The following PKP4 variants were observed in gnomAD, a reference collection of about 807,000 sequenced individuals.
The protein encoded by PKP4 is plakophilin 4.
Under a neutral mutation model 145.1 loss-of-function variants are expected in PKP4, and 90 were observed. That is an observed-to-expected ratio of 0.62 (90% CI 0.52 to 0.74). The LOEUF (loss-of-function observed/expected upper bound fraction) is 0.74, where lower values mean the gene tolerates loss of function less well. Ranked by LOEUF, PKP4 falls within the 30% of genes least tolerant of loss-of-function variation. The pLI is 0.00. For synonymous variants in PKP4, 563 were observed against 577.2 expected, an observed-to-expected ratio of 0.98 and a Z score of 0.35; for missense variants, 1,340 against 1,482.7, an observed-to-expected ratio of 0.90 and a Z score of 1.58.
intron 1 of PKP4, among the ~76,000 whole-genome samples, chr2:158,468,998 C>G (rs755339010): frequency 6.6e-6 from 1 of 151,900 alleles, no homozygotes; most frequent in Non-Finnish European, 1.5e-5. Flanking sequence ...AGACTGGTCT[C>G]GAACTCCTGG....
chr2:158,457,674 C>G (rs1021676564), intron 1 of PKP4: 4 of 152,550 alleles, frequency 2.6e-5, no homozygotes, highest in Non-Finnish European at 4.4e-5. Context: ...CACTCGGGGC[C>G]GGCTGTCTGT....
At chr2:158,561,484 C>T (rs2046510563) in intron 2 of PKP4, among the ~76,000 whole-genome samples, 1 of 152,208 alleles carries the variant, frequency 6.6e-6, no homozygotes, top group Non-Finnish European at 1.5e-5. Flanking sequence ...CTCATCAGCA[C>T]CATGCAGTTT....
chr2:158,504,829 A>G (rs1363364332), intron 1 of PKP4, among the ~76,000 whole-genome samples: 1 of 152,208 alleles, frequency 6.6e-6, no homozygotes, highest in Admixed American at 6.5e-5. Context: ...AAGATACTGA[A>G]TATGTTGAAA....
chr2:158,479,887 A>G (rs1374773328), intron 1 of PKP4, among the ~76,000 whole-genome samples: 1 of 152,234 alleles, frequency 6.6e-6, no homozygotes, highest in African/African-American at 2.4e-5. Flanking sequence ...ATTGAAATCT[A>G]GGGCTTGCCC....
intron 1 of PKP4, among the ~76,000 whole-genome samples, chr2:158,495,336 T>C (rs1695530182): frequency 7.7e-6 from 1 of 129,366 alleles, no homozygotes; most frequent in Non-Finnish European, 1.6e-5. Flanking sequence ...ATTGCTACAA[T>C]TCTTCTGGAG....
rs752740579 is a variant in PKP4, at chr2:158,624,865, C to G, written c.604-13C>G. ...GGATAAACCCATTCTCTTTTTTCCC[C>G]CCCTTTCATCAGCCATCAGTAGCCA... On this transcript the variant is annotated splice_polypyrimidine_tract_variant and intron_variant, in intron 6 of 21. Transcript: ENST00000389759. The G allele has an allele frequency of 1.3e-6, 2 of 1,547,966 alleles. No individual in the cohort carries two copies. Among genetic ancestry groups the G allele is most frequent in the Non-Finnish European group, 1.7e-6 (2 of 1,146,592 alleles).
At chr2:158,653,059 C>CT (rs919999311) in intron 11 of PKP4, among the ~76,000 whole-genome samples, 2 of 152,126 alleles carry the variant, frequency 1.3e-5, no homozygotes, top group Admixed American at 1.3e-4. Context: ...ATGGCTGTTG[C>CT]TTTTTTGCTT....
chr2:158,561,697 G>A (rs1312669319), intron 2 of PKP4, among the ~76,000 whole-genome samples: 2 of 152,144 alleles, frequency 1.3e-5, no homozygotes, highest in Non-Finnish European at 2.9e-5. Context: ...ACTTTGTTAT[G>A]ATTGTGGAGC....
chr2:158,526,011 G>C (rs2042896383), intron 1 of PKP4, among the ~76,000 whole-genome samples: 1 of 150,994 alleles, frequency 6.6e-6, no homozygotes, highest in Non-Finnish European at 1.5e-5. Context: ...CAACCAAAAA[G>C]AGTCCAGGAC....
At chr2:158,522,359 G>T (rs1302406630) in intron 1 of PKP4, among the ~76,000 whole-genome samples, 1 of 152,156 alleles carries the variant, frequency 6.6e-6, no homozygotes, top group Non-Finnish European at 1.5e-5. Flanking sequence ...AAAACCTTCA[G>T]AAGTCATACT....
intron 3 of PKP4, among the ~76,000 whole-genome samples, chr2:158,594,920 T>G (rs2049590985): frequency 6.6e-6 from 1 of 152,180 alleles, no homozygotes; most frequent in Non-Finnish European, 1.5e-5. Context: ...GTCCTTCAGC[T>G]GGGCAAAGCA....
intron 4 of PKP4, among the ~76,000 whole-genome samples, chr2:158,611,976 C>T (rs1463173490): frequency 1.3e-5 from 2 of 151,258 alleles, no homozygotes; most frequent in Non-Finnish European, 2.9e-5. Context: ...AAAAGCTCTT[C>T]TTAACTTACT....
intron 2 of PKP4, among the ~76,000 whole-genome samples, chr2:158,554,765 G>A (rs1162991570): frequency 6.6e-6 from 1 of 152,078 alleles, no homozygotes; most frequent in Non-Finnish European, 1.5e-5. Flanking sequence ...CATTGGTCTT[G>A]CCACTTTCTC....
At chr2:158,594,114 A>C (rs2105826607) in intron 3 of PKP4, among the ~76,000 whole-genome samples, 1 of 152,234 alleles carries the variant, frequency 6.6e-6, no homozygotes, top group East Asian at 1.9e-4. Flanking sequence ...GCCTTCCTAT[A>C]GCCATCTTGT....
At chr2:158,643,874 TCTCGC>T (rs1440257801) in intron 11 of PKP4, among the ~76,000 whole-genome samples, 16 of 152,224 alleles carry the variant, frequency 1.1e-4, no homozygotes, top group Middle Eastern at 3.4e-3. Flanking sequence ...CAAGCGATTC[TCTCGC>T]CTCAGCCTCC....
chr2:158,550,140 A>AATCTATTAATTATATTAAT (rs550269421), intron 2 of PKP4, among the ~76,000 whole-genome samples: 1 of 151,864 alleles, frequency 6.6e-6, no homozygotes, highest in Non-Finnish European at 1.5e-5. Context: ...TTCTGCCAAG[A>AATCTATTAATTATATTAAT]AGAAGTTAAA....
At chr2:158,679,893 A>T (rs888276908) in intron 21 of PKP4, among the ~76,000 whole-genome samples, 2 of 152,222 alleles carry the variant, frequency 1.3e-5, no homozygotes, top group Admixed American at 1.3e-4. Context: ...ACTGTTGTTC[A>T]CCTAGCCACA....
intron 1 of PKP4, among the ~76,000 whole-genome samples, chr2:158,491,143 A>G (rs1419801895): frequency 1.3e-5 from 2 of 152,104 alleles, no homozygotes; most frequent in Non-Finnish European, 2.9e-5. Flanking sequence ...CATGATATAT[A>G]TCCATCCAGT....
At chr2:158,614,499 G>A (rs916517709) in intron 4 of PKP4, among the ~76,000 whole-genome samples, 1 of 152,210 alleles carries the variant, frequency 6.6e-6, no homozygotes, top group African/African-American at 2.4e-5. Context: ...ACATATTTGG[G>A]ATTTTATTAA....
Sources: gnomAD v4.1 joint callset for allele counts (sites outside exome capture counted in the v4.1 genomes callset) on GRCh38, gnomAD v4.1.1 for gene constraint, MANE v1.5 for transcripts, NCBI Gene and HGNC (gene_info 2026-07-23, HGNC 2026-07-21) for gene names.